ADAMTS19: variants seen among roughly 807,000 people sequenced by gnomAD.
The protein encoded by ADAMTS19 is ADAM metallopeptidase with thrombospondin type 1 motif 19, also known as A disintegrin and metalloproteinase with thrombospondin motifs 19.
In ADAMTS19, 93 loss-of-function variants were observed where a neutral mutation model predicts 153.3. The ratio of observed to expected loss-of-function variants is 0.61; its 90% CI spans 0.51 to 0.72. ADAMTS19 has a LOEUF of 0.72. ADAMTS19 is among the 30% of genes least tolerant of loss of function. ADAMTS19 has a pLI of 0.00. For missense variants in ADAMTS19, 1,482 were observed against 1,552.1 expected, an observed-to-expected ratio of 0.95 and a Z score of 0.76; for synonymous variants, 600 against 556.6, an observed-to-expected ratio of 1.08 and a Z score of -1.10.
chr5:129,593,595 T>C (rs1020170357), intron 7 of ADAMTS19, among the ~76,000 whole-genome samples: 5 of 152,180 alleles, frequency 3.3e-5, no homozygotes, highest in Non-Finnish European at 5.9e-5. Flanking sequence ...CTTACTCTTT[T>C]ACTCATTCCC....
At chr5:129,688,445 G>A (rs1258346553) in intron 18 of ADAMTS19, among the ~76,000 whole-genome samples, 1 of 151,712 alleles carries the variant, frequency 6.6e-6, no homozygotes, top group East Asian at 1.9e-4. Flanking sequence ...AAAAGGATAT[G>A]GTTATCTAGC....
rs1753270641 is a variant in ADAMTS19 at position 129,555,128 on chromosome 5, G to A, written c.1372+3221G>A. Among the ~76,000 whole-genome samples, 3 of 151,988 alleles carry A rather than the reference G, an allele frequency of 2.0e-5. No individual in the cohort carries two copies. In the South Asian group the frequency reaches 6.2e-4, roughly 32 times the overall value. On this transcript the variant is annotated intron_variant, in intron 7 of 22. Transcript: ENST00000274487. Reference sequence around the variant, plus strand: ...TTTTTTTTTCTGTAATGAAAATATGGAAAGAGGAAAGAGAAAGGGAAGAAG... The same window carrying A: ...TTTTTTTTTCTGTAATGAAAATATGAAAAGAGGAAAGAGAAAGGGAAGAAG...
intron 1 of ADAMTS19, 167 bp downstream of exon 1, chr5:129,460,649 A>G (rs1270129215): frequency 2.9e-6 from 2 of 696,886 alleles, no homozygotes; most frequent in Non-Finnish European, 5.0e-6. Context: ...TCGGAAATGA[A>G]GCACACTTCT....
In ADAMTS19 at chr5:129,536,467, C is replaced by A. The variant is rs370121349; in HGVS notation, c.1328+7790C>A. Among the ~76,000 whole-genome samples the A allele has an allele frequency of 2.6e-5, 4 of 152,268 alleles. 1 individual carries two copies. The highest frequency in any genetic ancestry group is 9.6e-5 in the African/African-American group (4 of 41,566). ...GAACACTTTTACACTGTTGGTGGGA[C>A]TGTAAACTAGTTCAACCATTGTGGA... is the stretch of plus-strand genomic sequence containing the variant. On this transcript the variant is annotated intron_variant, in intron 6 of 22. Coordinates refer to ENST00000274487, the MANE Select transcript of ADAMTS19 (RefSeq NM_133638.6).
rs79695252 is a variant in ADAMTS19 at position 129,660,038 on chromosome 5, G to A, written c.2425+1301G>A. 4.2e-3 allele frequency among the ~76,000 whole-genome samples: 637 copies of A among 152,182 alleles called. 5 individuals carry two copies. Among genetic ancestry groups the A allele is most frequent in the African/African-American group, 0.015 (610 of 41,514 alleles). ...ACAGGGCATTTATGTTTGAGTAATC[G>A]AGAAAACAGTTCATTCCAGATAAAA... On this transcript the variant is annotated intron_variant, in intron 15 of 22. Coordinates refer to ENST00000274487, the MANE Select transcript of ADAMTS19 (RefSeq NM_133638.6).
At chr5:129,527,627 T>C (rs1295017920) in intron 4 of ADAMTS19, 121 bp from the exon 5 acceptor site, 6 of 297,274 alleles carry the variant, frequency 2.0e-5, no homozygotes, top group African/African-American at 9.6e-5. Context: ...TTTTTTTTTT[T>C]TTTTTTAAAA....
At position 129,641,378 on chromosome 5, in the gene ADAMTS19, T is replaced by C. The variant is rs1451139869; in HGVS notation, c.1771-481T>C. Among the ~76,000 whole-genome samples, 4 of 152,318 alleles carry C rather than the reference T, an allele frequency of 2.6e-5. No individual in the cohort carries two copies. The East Asian group carries it at 7.7e-4, about 29-fold the overall frequency. Reference sequence around the variant, plus strand: ...AAACATACACACTAAGACTATATTGTGTCAGGGGTCAAGACTATATAATGA... The same window carrying C: ...AAACATACACACTAAGACTATATTGCGTCAGGGGTCAAGACTATATAATGA... On this transcript the variant is annotated intron_variant, in intron 10 of 22. Transcript: ENST00000274487.
chr5:129,684,348 T>A (rs1754969902), intron 18 of ADAMTS19, 75 bp downstream of exon 18: 3 of 1,523,778 alleles, frequency 2.0e-6, no homozygotes, highest in Non-Finnish European at 2.6e-6. Flanking sequence ...TTAAGACATA[T>A]CCAAAATCCC....
At chr5:129,604,369 T>A (rs975580203) in intron 8 of ADAMTS19, among the ~76,000 whole-genome samples, 2 of 152,152 alleles carry the variant, frequency 1.3e-5, no homozygotes, top group African/African-American at 4.8e-5. Context: ...ATATACCCCC[T>A]CAATAGTCAT....
chr5:129,622,300 A>C lies in ADAMTS19; in HGVS notation c.1722A>C (p.Gln574His). Residue 574 changes from glutamine (Q) to histidine (H), a missense_variant, in exon 10 of 23, where the codon CAA (glutamine) becomes CAC (histidine). By Grantham distance (24) the Gln-to-His change is conservative. Coordinates refer to ENST00000274487, the MANE Select transcript of ADAMTS19 (RefSeq NM_133638.6). ...LPGMTYTADE[Q>H]CQILFGPLAS... ...GGATGACATACACTGCTGATGAACA[A>C]TGCCAGATCCTTTTTGGGCCATTGG... is the stretch of plus-strand genomic sequence containing the variant. 1 of 1,614,092 alleles carries C rather than the reference A, an allele frequency of 6.2e-7. No homozygotes were observed. The highest frequency in any genetic ancestry group is 8.5e-7 in the Non-Finnish European group (1 of 1,179,996).
intron 2 of ADAMTS19, among the ~76,000 whole-genome samples, chr5:129,467,286 T>G (rs1368657559): frequency 6.6e-6 from 1 of 152,146 alleles, no homozygotes; most frequent in Non-Finnish European, 1.5e-5. Context: ...GCGATTCTAG[T>G]TGATTTTGTT....
intron 20 of ADAMTS19, 41 bp from the exon 21 acceptor site, chr5:129,704,198 A>G (rs1312074120): frequency 2.5e-6 from 4 of 1,595,082 alleles, no homozygotes; most frequent in Non-Finnish European, 3.4e-6. Context: ...TATATCTCCA[A>G]TTCACCAACT....
chr5:129,475,530 C>T (rs1750196880), intron 2 of ADAMTS19, among the ~76,000 whole-genome samples: 1 of 152,030 alleles, frequency 6.6e-6, no homozygotes, highest in Non-Finnish European at 1.5e-5. Context: ...TTAATTTTCT[C>T]TTTTCAAAAT....
intron 7 of ADAMTS19, among the ~76,000 whole-genome samples, chr5:129,559,055 G>T (rs1753411014): frequency 6.6e-6 from 1 of 151,920 alleles, no homozygotes; most frequent in Non-Finnish European, 1.5e-5. Context: ...GTCAGGGAGA[G>T]GATACCATAT....
intron 21 of ADAMTS19, among the ~76,000 whole-genome samples, chr5:129,724,578 G>T (rs1757128843): frequency 6.6e-6 from 1 of 152,168 alleles, no homozygotes; most frequent in Non-Finnish European, 1.5e-5. Flanking sequence ...CCCGAGGTTT[G>T]TTGTCTCATG....
At chr5:129,578,037 T>TAC (rs1442219801) in intron 7 of ADAMTS19, among the ~76,000 whole-genome samples, 5 of 100,502 alleles carry the variant, frequency 5.0e-5, no homozygotes, top group African/African-American at 2.8e-4. Context: ...TTTTCAAACT[T>TAC]ACATACACAC....
intron 7 of ADAMTS19, among the ~76,000 whole-genome samples, chr5:129,573,857 A>G (rs1363115238): frequency 6.6e-6 from 1 of 152,092 alleles, no homozygotes. Flanking sequence ...CTATTAAATA[A>G]TATATGAATA....
intron 2 of ADAMTS19, among the ~76,000 whole-genome samples, chr5:129,480,934 A>C (rs1379757155): frequency 2.0e-5 from 3 of 152,166 alleles, no homozygotes; most frequent in African/African-American, 7.2e-5. Context: ...AGTAATGAGG[A>C]AAAATAATTC....
In ADAMTS19 at chr5:129,583,484, G is replaced by C. The variant is rs75340387; in HGVS notation, c.1373-13075G>C. On this transcript the variant is annotated intron_variant, in intron 7 of 22. Coordinates refer to ENST00000274487, the MANE Select transcript of ADAMTS19 (RefSeq NM_133638.6). Reference sequence around the variant, plus strand: ...CTTGCTAGGTTGGGGAAGTTCTCCTGGATAATATCCTGAAGAGCGTTTTCC... The same window carrying C: ...CTTGCTAGGTTGGGGAAGTTCTCCTCGATAATATCCTGAAGAGCGTTTTCC... 3.9e-5 allele frequency among the ~76,000 whole-genome samples: 6 copies of C among 152,106 alleles called. 1 individual carries two copies. The highest frequency in any genetic ancestry group is 1.4e-4 in the African/African-American group (6 of 41,518).
Sources: allele counts gnomAD v4.1 joint callset (sites outside exome capture counted in the v4.1 genomes callset), GRCh38; gene constraint gnomAD v4.1.1; transcripts MANE v1.5; gene names NCBI Gene and HGNC (gene_info 2026-07-23, HGNC 2026-07-21).